Variants in SV2C observed in about 807,000 individuals in gnomAD.
The protein encoded by SV2C is synaptic vesicle glycoprotein 2C, also known as solute carrier family 22 member B3.
A neutral mutation model predicts 79.7 loss-of-function variants in SV2C; 49 were observed. That is an observed-to-expected ratio of 0.61 (90% confidence interval 0.49 to 0.78). The LOEUF is 0.78. Ranked by LOEUF, SV2C falls within the 30% of genes least tolerant of loss-of-function variation. SV2C has a pLI of 0.00. For missense variants in SV2C, 833 were observed against 912.9 expected (o/e 0.91, Z 1.13); for synonymous variants, 334 against 333.2 (o/e 1.00, Z -0.03).
rs139957030 is a variant in SV2C, at chr5:76,256,559, C to G, written c.914-28603C>G. Among the ~76,000 whole-genome samples the G allele has an allele frequency of 1.2e-3, 188 of 152,322 alleles. 1 individual carries two copies. The highest frequency in any genetic ancestry group is 2.7e-3 in the Admixed American group (41 of 15,298). The stretch of plus-strand genomic sequence containing the variant: ...TTAGCTTTGTGACTTGTGTCCATCA[C>G]TCTTAATTTTCTGCAGAAGCTTTTT... On this transcript the variant is annotated intron_variant, in intron 4 of 12. Coordinates refer to ENST00000502798, the MANE Select transcript of SV2C (RefSeq NM_014979.4).
At chr5:76,102,963 G>C (rs1747792857) in intron 1 of SV2C, among the ~76,000 whole-genome samples, 1 of 151,998 alleles carries the variant, frequency 6.6e-6, no homozygotes, top group South Asian at 2.1e-4. Flanking sequence ...TTTTTTATTA[G>C]TTTTGTTCAT....
At chr5:76,026,406 A>G in the SV2C span, among the ~76,000 whole-genome samples, 1 of 152,254 alleles carries the variant, frequency 6.6e-6, no homozygotes, top group South Asian at 2.1e-4. Context: ...AAGATCTATT[A>G]GGGGGAGATT....
At chr5:75,994,097 A>T in the SV2C span, among the ~76,000 whole-genome samples, 1 of 152,096 alleles carries the variant, frequency 6.6e-6, no homozygotes, top group African/African-American at 2.4e-5. Context: ...TAATGGGGTC[A>T]TTTAATTTTA....
intron 4 of SV2C, among the ~76,000 whole-genome samples, chr5:76,253,843 A>G (rs961322648): frequency 1.4e-4 from 22 of 152,174 alleles, no homozygotes; most frequent in Admixed American, 7.2e-4. Context: ...TAACTTAGAA[A>G]CGATTATCTC....
the SV2C span, among the ~76,000 whole-genome samples, chr5:75,958,581 G>A: frequency 1.3e-5 from 2 of 152,136 alleles, 1 homozygote. Context: ...CTTTGGGAAT[G>A]TAGAGCATTT....
At chr5:76,041,780 A>G in the SV2C span, among the ~76,000 whole-genome samples, 6 of 152,200 alleles carry the variant, frequency 3.9e-5, no homozygotes, top group African/African-American at 1.4e-4. Flanking sequence ...TCCATTGTGC[A>G]TCAGGGTTGA....
chr5:75,896,625 T>G, the SV2C span, among the ~76,000 whole-genome samples: 49 of 147,828 alleles, frequency 3.3e-4, no homozygotes, highest in Admixed American at 2.7e-4. Flanking sequence ...TCTAGATCCC[T>G]CCCTGAGGAA....
chr5:76,077,385 T>A, the SV2C span, among the ~76,000 whole-genome samples: 1 of 152,096 alleles, frequency 6.6e-6, no homozygotes, highest in Admixed American at 6.5e-5. Flanking sequence ...AATAGATAAA[T>A]AGAGATTTAA....
chr5:76,166,740 T>C (rs1743057653), intron 2 of SV2C, among the ~76,000 whole-genome samples: 1 of 152,220 alleles, frequency 6.6e-6, no homozygotes, highest in Non-Finnish European at 1.5e-5. Context: ...AGAAATGATT[T>C]GGATTACTCA....
At chr5:76,079,035 A>T, upstream of SV2C, 1 of 415,914 alleles carries the variant, frequency 2.4e-6, no homozygotes, top group Non-Finnish European at 4.8e-6. Context: ...CCATCAACAG[A>T]CATTGGTCCA....
At chr5:76,011,013 T>C in the SV2C span, among the ~76,000 whole-genome samples, 86,303 of 152,086 alleles carry the variant, frequency 0.57, 24,853 homozygotes, top group Middle Eastern at 0.67. Context: ...AGCACACTTG[T>C]GAAGGCAGGT....
intron 2 of SV2C, among the ~76,000 whole-genome samples, chr5:76,139,061 G>A (rs1749164529): frequency 6.6e-6 from 1 of 152,060 alleles, no homozygotes; most frequent in Non-Finnish European, 1.5e-5. Flanking sequence ...AGAGGTTGCA[G>A]TGAGCTGAGA....
the SV2C span, among the ~76,000 whole-genome samples, chr5:75,883,844 T>TA: frequency 5.2e-4 from 74 of 141,410 alleles, no homozygotes; most frequent in East Asian, 1.2e-3. Context: ...TAATAATATT[T>TA]AAAAAAAAAA....
At chr5:76,211,203 G>A (rs905449901) in intron 4 of SV2C, among the ~76,000 whole-genome samples, 3 of 152,136 alleles carry the variant, frequency 2.0e-5, no homozygotes, top group African/African-American at 4.8e-5. Flanking sequence ...AACTCCTGTT[G>A]TATGGCCTGT....
the SV2C span, among the ~76,000 whole-genome samples, chr5:75,890,560 T>C: frequency 6.6e-6 from 1 of 152,146 alleles, no homozygotes; most frequent in South Asian, 2.1e-4. Context: ...GAAGTCATGA[T>C]GGCAACACCC....
the SV2C span, among the ~76,000 whole-genome samples, chr5:76,029,561 C>T: frequency 6.6e-6 from 1 of 152,092 alleles, no homozygotes; most frequent in African/African-American, 2.4e-5. Flanking sequence ...GTATTTGAGG[C>T]AAAAATTCAG....
At chr5:75,900,204 G>C in the SV2C span, among the ~76,000 whole-genome samples, 16 of 152,200 alleles carry the variant, frequency 1.1e-4, no homozygotes, top group Non-Finnish European at 1.9e-4. Flanking sequence ...GCTGGTACCA[G>C]TTGTTCCTTT....
At chr5:75,899,818 T>TAA in the SV2C span, among the ~76,000 whole-genome samples, 1 of 152,134 alleles carries the variant, frequency 6.6e-6, no homozygotes, top group Non-Finnish European at 1.5e-5. Flanking sequence ...TATCAGTATG[T>TAA]AATGGCCTTC....
Position 76,177,412 on chromosome 5 carries a change from A to G in SV2C, c.581-17507A>G, listed in dbSNP as rs186275005. On this transcript the variant is annotated intron_variant, in intron 2 of 12. Coordinates refer to ENST00000502798, the MANE Select transcript of SV2C (RefSeq NM_014979.4). Reference sequence around the variant, plus strand: ...TATACTGTTTTTTCAATATATACATACCCATGGTAAAGTTCAACTTACAAA... The same window carrying G: ...TATACTGTTTTTTCAATATATACATGCCCATGGTAAAGTTCAACTTACAAA... Among the ~76,000 whole-genome samples the G allele has an allele frequency of 2.0e-3, 302 of 151,836 alleles. 1 individual carries two copies. Among genetic ancestry groups the G allele is most frequent in the African/African-American group, 6.9e-3 (286 of 41,490 alleles).
Sources: gnomAD v4.1 joint callset for allele counts (sites outside exome capture counted in the v4.1 genomes callset) on GRCh38, gnomAD v4.1.1 for gene constraint, MANE v1.5 for transcripts, NCBI Gene and HGNC (gene_info 2026-07-23, HGNC 2026-07-21) for gene names.